The following NALF1 variants were observed in gnomAD, a reference collection of about 807,000 sequenced individuals.
NALF1 encodes family with sequence similarity 155 member A.
NALF1 carries 3 observed loss-of-function variants against 48.4 expected under a neutral mutation model. The ratio of observed to expected loss-of-function variants is 0.06; its 90% CI spans 0.03 to 0.16. The LOEUF is 0.16. Among genes scored for constraint, NALF1 ranks in the 10% least tolerant of loss-of-function variants. The pLI is 1.00. For synonymous variants in NALF1, 262 were observed against 245.7 expected, an observed-to-expected ratio of 1.07 and a Z score of -0.62; for missense variants, 526 against 571.5, an observed-to-expected ratio of 0.92 and a Z score of 0.81.
chr13:107,285,096 A>G (rs1490997266), intron 1 of NALF1, among the ~76,000 whole-genome samples: 1 of 152,202 alleles, frequency 6.6e-6, no homozygotes, highest in African/African-American at 2.4e-5. Flanking sequence ...GGCATATATT[A>G]TATGTCTATG....
At chr13:107,661,076 C>T (rs369457776) in intron 1 of NALF1, among the ~76,000 whole-genome samples, 21 of 152,212 alleles carry the variant, frequency 1.4e-4, no homozygotes, top group African/African-American at 5.1e-4. Context: ...TTATCAGGAG[C>T]GGGATTGGAG....
At chr13:107,655,018 T>C (rs956756827) in intron 1 of NALF1, among the ~76,000 whole-genome samples, 1 of 152,174 alleles carries the variant, frequency 6.6e-6, no homozygotes, top group Non-Finnish European at 1.5e-5. Context: ...AAGAGTCATC[T>C]ACGACAAACC....
At chr13:107,490,047 C>G (rs1265495159) in intron 1 of NALF1, among the ~76,000 whole-genome samples, 1 of 152,102 alleles carries the variant, frequency 6.6e-6, no homozygotes, top group Non-Finnish European at 1.5e-5. Flanking sequence ...CCATCTTACA[C>G]CAGTCAGAAT....
At chr13:107,563,840 G>A (rs1288424743) in intron 1 of NALF1, among the ~76,000 whole-genome samples, 3 of 152,188 alleles carry the variant, frequency 2.0e-5, no homozygotes, top group Admixed American at 6.5e-5. Context: ...ATTCCATTTA[G>A]TTGATCCATC....
At chr13:107,252,649 G>T (rs1880726701) in intron 1 of NALF1, among the ~76,000 whole-genome samples, 1 of 152,120 alleles carries the variant, frequency 6.6e-6, no homozygotes, top group Non-Finnish European at 1.5e-5. Flanking sequence ...AATCACTAAG[G>T]CCAGTCCACA....
At chr13:107,840,482 A>C (rs1171358897) in intron 1 of NALF1, among the ~76,000 whole-genome samples, 2 of 152,162 alleles carry the variant, frequency 1.3e-5, no homozygotes, top group African/African-American at 4.8e-5. Context: ...GGAGCTCCTG[A>C]ACATTACACT....
chr13:107,243,333 A>G (rs137910973), intron 1 of NALF1, among the ~76,000 whole-genome samples: 3 of 152,194 alleles, frequency 2.0e-5, no homozygotes, highest in Admixed American at 6.5e-5. Context: ...CTTAAATGTC[A>G]TCTCCTCAGA....
chr13:107,490,505 CAAT>C (rs1225142001), intron 1 of NALF1, among the ~76,000 whole-genome samples: 1 of 152,004 alleles, frequency 6.6e-6, no homozygotes, highest in Admixed American at 6.6e-5. Flanking sequence ...AATGGGAACT[CAAT>C]GATGAGACTA....
intron 1 of NALF1, among the ~76,000 whole-genome samples, chr13:107,550,519 C>T (rs987186825): frequency 6.6e-6 from 1 of 152,092 alleles, no homozygotes; most frequent in African/African-American, 2.4e-5. Context: ...TCTAAGTCAC[C>T]AGAATGTCAC....
rs562708665 is a variant in NALF1, at chr13:107,693,075, C to T, written c.915+172607G>A. ...TCTAGATCCTTGAGGAATCGCCACACTGTCTTCCACAATGGTTGAACTAGT... is the reference window on the plus strand; with the variant it reads ...TCTAGATCCTTGAGGAATCGCCACATTGTCTTCCACAATGGTTGAACTAGT... On this transcript the variant is annotated intron_variant, in intron 1 of 2. Coordinates refer to ENST00000375915, the MANE Select transcript of NALF1 (RefSeq NM_001080396.3). Among the ~76,000 whole-genome samples, 345 of 152,300 alleles carry T rather than the reference C, an allele frequency of 2.3e-3. 1 individual carries two copies. Among genetic ancestry groups the T allele is most frequent in the Middle Eastern group, 0.01 (3 of 294 alleles).
chr13:107,622,630 G>T lies in NALF1; in HGVS notation c.915+243052C>A, dbSNP rs572709956. On this transcript the variant is annotated intron_variant, in intron 1 of 2. Transcript: ENST00000375915. ...GTACCACAATGTTGATTTCACCCCAGGGGCTTGCAAATCATTCTGCTCAGA... is the reference window on the plus strand; with the variant it reads ...GTACCACAATGTTGATTTCACCCCATGGGCTTGCAAATCATTCTGCTCAGA... Among the ~76,000 whole-genome samples the T allele has an allele frequency of 9.9e-5, 15 of 152,244 alleles. No homozygotes were observed. In the South Asian group the frequency reaches 3.1e-3, roughly 32 times the overall value.
At chr13:107,435,792 G>A (rs1266166103) in intron 1 of NALF1, among the ~76,000 whole-genome samples, 2 of 151,730 alleles carry the variant, frequency 1.3e-5, no homozygotes, top group African/African-American at 2.4e-5. Flanking sequence ...AAGGAAAGCG[G>A]CGGGGGAGGG....
chr13:107,180,240 A>G (rs1187661092), intron 2 of NALF1, among the ~76,000 whole-genome samples: 1 of 151,956 alleles, frequency 6.6e-6, no homozygotes, highest in African/African-American at 2.4e-5. Context: ...TCACAGCTCA[A>G]AACAATTATT....
chr13:107,530,771 A>T (rs546169146), intron 1 of NALF1, among the ~76,000 whole-genome samples: 1 of 152,220 alleles, frequency 6.6e-6, no homozygotes, highest in African/African-American at 2.4e-5. Context: ...GCTGAGGCTA[A>T]TCATTTGTGA....
chr13:107,556,745 C>T (rs557670326), intron 1 of NALF1, among the ~76,000 whole-genome samples: 1 of 152,266 alleles, frequency 6.6e-6, no homozygotes. Flanking sequence ...CTCAGCCTCC[C>T]AAAGTACTGG....
At chr13:107,752,894 G>A (rs551357047) in intron 1 of NALF1, among the ~76,000 whole-genome samples, 1 of 152,122 alleles carries the variant, frequency 6.6e-6, no homozygotes, top group East Asian at 1.9e-4. Context: ...AAACAGAAAG[G>A]AATAGAAAAG....
intron 2 of NALF1, among the ~76,000 whole-genome samples, chr13:107,176,482 A>G (rs1878936715): frequency 6.6e-6 from 1 of 151,934 alleles, no homozygotes. Context: ...CTCTACTAAA[A>G]ATACAAAAAA....
chr13:107,561,436 TTATG>T (rs930159604), intron 1 of NALF1, among the ~76,000 whole-genome samples: 8 of 152,308 alleles, frequency 5.3e-5, no homozygotes, highest in African/African-American at 1.9e-4. Flanking sequence ...AGTGCAAGTG[TTATG>T]TTCCCCACCA....
At chr13:107,488,849 T>A (rs777426675) in intron 1 of NALF1, among the ~76,000 whole-genome samples, 1 of 152,146 alleles carries the variant, frequency 6.6e-6, no homozygotes, top group Non-Finnish European at 1.5e-5. Flanking sequence ...TGTTTGCAGA[T>A]GACAAAATTC....
Sources: allele counts gnomAD v4.1 joint callset (sites outside exome capture counted in the v4.1 genomes callset), GRCh38; gene constraint gnomAD v4.1.1; transcripts MANE v1.5; gene names NCBI Gene and HGNC (gene_info 2026-07-23, HGNC 2026-07-21).